PASK: variants seen among roughly 807,000 people sequenced by gnomAD.
PASK encodes the protein PAS domain containing serine/threonine kinase, also known as PAS domain-containing serine/threonine-protein kinase.
PASK carries 110 observed loss-of-function variants against 121.0 expected under a neutral mutation model. The observed-to-expected ratio is 0.91, with a 90% CI of 0.78 to 1.06. The LOEUF (loss-of-function observed/expected upper bound fraction) is 1.06, where lower values mean the gene tolerates loss of function less well. PASK is among the 50% of genes least tolerant of loss of function. The pLI is 0.00. For synonymous variants in PASK, 686 were observed against 717.8 expected, an observed-to-expected ratio of 0.96 and a Z score of 0.71; for missense variants, 1,643 against 1,702.3, an observed-to-expected ratio of 0.97 and a Z score of 0.61.
At chr2:241,144,103 CGTGT>C (rs970261728) in intron 1 of PASK, among the ~76,000 whole-genome samples, 1 of 151,586 alleles carries the variant, frequency 6.6e-6, no homozygotes, top group Non-Finnish European at 1.5e-5. Context: ...TGTGGGTGTG[CGTGT>C]GTGTCCGTGC....
At chr2:241,126,072 T>C (rs906735874) in intron 10 of PASK, 124 bp downstream of exon 10, 13 of 843,030 alleles carry the variant, frequency 1.5e-5, no homozygotes, top group Admixed American at 4.1e-5. Flanking sequence ...CTTGAAAACA[T>C]GATTTCTGCT....
intron 1 of PASK, chr2:241,145,769 G>A (rs1238828402): frequency 6.6e-6 from 1 of 152,004 alleles, no homozygotes; most frequent in Non-Finnish European, 1.5e-5. Context: ...CAGCTACTCT[G>A]GAGGCAGAGG....
rs544679931 is a variant in PASK, at chr2:241,113,955, T to G, written c.3333+1088A>C. ...GTATTTACATAGAATAACATTTATG[T>G]CTATATATTTACAAAAGGGGTAGAG... On this transcript the variant is annotated intron_variant, in intron 14 of 17. Coordinates refer to ENST00000234040, the MANE Select transcript of PASK (RefSeq NM_015148.4). The G allele has an allele frequency of 6.6e-5, 65 of 982,726 alleles. No individual in the cohort carries two copies. The African/African-American group carries it at 1.1e-3, about 16-fold the overall frequency. The allele number at this position is 982,726 out of a possible 1,614,324, so 60.9% of individuals were successfully genotyped here. A position where few individuals can be genotyped will look rare whatever the true frequency, so the allele number is the denominator to read the frequency against.
chr2:241,111,323 G>A (rs1030849428), intron 15 of PASK, among the ~76,000 whole-genome samples: 2 of 152,196 alleles, frequency 1.3e-5, no homozygotes, highest in Non-Finnish European at 2.9e-5. Flanking sequence ...GTGCAGCAGA[G>A]CACTGCAGCA....
intron 12 of PASK, among the ~76,000 whole-genome samples, chr2:241,121,329 AT>A (rs1203515486): frequency 1.3e-5 from 2 of 152,270 alleles, no homozygotes; most frequent in African/African-American, 4.8e-5. Context: ...GGTGAATTAT[AT>A]GGTATGTGAA....
intron 15 of PASK, chr2:241,109,740 GTGT>G (rs1238123381): frequency 6.6e-6 from 1 of 152,468 alleles, no homozygotes; most frequent in Non-Finnish European, 1.5e-5. Flanking sequence ...TTTTGTTTTT[GTGT>G]TGTTTCTGTT....
chr2:241,110,029 A>C (rs1203112753), intron 15 of PASK, among the ~76,000 whole-genome samples: 1 of 152,272 alleles, frequency 6.6e-6, no homozygotes, highest in Non-Finnish European at 1.5e-5. Flanking sequence ...ATCACGAACA[A>C]CATAAAGATG....
chr2:241,121,939 A>C (rs1333785037), intron 12 of PASK, among the ~76,000 whole-genome samples: 1 of 152,242 alleles, frequency 6.6e-6, no homozygotes, highest in Non-Finnish European at 1.5e-5. Flanking sequence ...AGAAACTGAC[A>C]TTATACAAAG....
Position 241,126,556 on chromosome 2 carries a change from G to C in PASK, c.2359C>G (p.Gln787Glu). 2 of 1,614,208 alleles carry C rather than the reference G, an allele frequency of 1.2e-6. No homozygotes were observed. The highest frequency in any genetic ancestry group is 2.2e-5 in the East Asian group (1 of 44,894). ...CTGTCATCCAGGACACACGACCCCT[G>C]TTCCTGGAGACTGCCTACATCTGGA... is the stretch of plus-strand genomic sequence containing the variant. Reference protein sequence around the residue: ...SDPDVGSLQEQGSCVLDDREL... With the variant: ...SDPDVGSLQEEGSCVLDDREL... Residue 787 changes from glutamine to glutamate, a missense_variant, in exon 10 of 18, where the codon CAG becomes GAG. This residue lies in a region of PASK where 1,176 missense variants were observed against 1,162.2 expected (regional missense o/e 1.01). Transcript: ENST00000234040.
rs748488652 is a variant in PASK at position 241,137,227 on chromosome 2, T to C, written c.914A>G (p.Asp305Gly). 2.2e-5 allele frequency: 36 copies of C among 1,613,012 alleles called. No individual in the cohort carries two copies. The highest frequency in any genetic ancestry group is 2.9e-5 in the Non-Finnish European group (34 of 1,179,078). ...TAAGCTCAGAGGGAAGGTGGTACCG[T>C]CCCTGGCTCTTCCAACAGACCTCTG... Reference protein sequence around the residue: ...KIQRSVGRARDGTTFPLSLKL... With the variant: ...KIQRSVGRARGGTTFPLSLKL... The change falls in exon 7 of 18, where the codon GAC becomes GGC. Residue 305 changes from aspartate to glycine, a missense_variant. This residue lies in a region of PASK where 1,176 missense variants were observed against 1,162.2 expected (regional missense o/e 1.01). Coordinates refer to ENST00000234040, the MANE Select transcript of PASK (RefSeq NM_015148.4).
In PASK at chr2:241,115,398, T is replaced by C; in HGVS notation, c.3088A>G (p.Ile1030Val). The change falls in exon 13 of 18, where the codon ATT becomes GTT. Residue 1030 changes from isoleucine to valine, a missense_variant. Transcript: ENST00000234040. ...EKNKEVVVKF[I>V]KKEKVLEDCW... ...TCCTCCAAGACCTTCTCCTTCTTAA[T>C]AAACTTCACCACCACCTGTGAGGAA... The C allele has an allele frequency of 6.2e-7, 1 of 1,613,818 alleles. No individual in the cohort carries two copies. Among genetic ancestry groups the C allele is most frequent in the South Asian group, 1.1e-5 (1 of 91,088 alleles).
chr2:241,123,171 CTTCTTTTTTTTTTT>C (rs2065696982), intron 11 of PASK, among the ~76,000 whole-genome samples: 1 of 139,806 alleles, frequency 7.2e-6, no homozygotes, highest in African/African-American at 2.9e-5. Flanking sequence ...TTTAAAGTGG[CTTCTTTTTTTTTTT>C]TTTTTTTTTA....
chr2:241,125,918 GCTCT>G (rs1045307897), intron 10 of PASK, among the ~76,000 whole-genome samples: 10 of 152,284 alleles, frequency 6.6e-5, no homozygotes, highest in African/African-American at 1.2e-4. Context: ...GGGAGGAGCG[GCTCT>G]CTAAGTGTAT....
At chr2:241,120,781 T>A (rs191652568) in intron 12 of PASK, among the ~76,000 whole-genome samples, 1 of 152,310 alleles carries the variant, frequency 6.6e-6, no homozygotes, top group African/African-American at 2.4e-5. Flanking sequence ...CTCAAAACAT[T>A]AGACACAGAG....
chr2:241,139,683 G>A, intron 4 of PASK: 1 of 709,216 alleles, frequency 1.4e-6, no homozygotes, highest in Non-Finnish European at 2.6e-6. Context: ...TTCCTGCGAT[G>A]ATTCGTTCTT....
chr2:241,121,495 C>CTAGATT (rs1273461416), intron 12 of PASK, among the ~76,000 whole-genome samples: 1 of 152,118 alleles, frequency 6.6e-6, no homozygotes, highest in African/African-American at 2.4e-5. Flanking sequence ...TAGAAAACAT[C>CTAGATT]TAGATTTAGA....
intron 9 of PASK, among the ~76,000 whole-genome samples, chr2:241,129,465 G>A (rs1253352914): frequency 6.6e-6 from 1 of 152,194 alleles, no homozygotes; most frequent in East Asian, 1.9e-4. Flanking sequence ...ACTGCCCTGT[G>A]TCTGCAGCAA....
chr2:241,107,173 C>T (rs952231234), intron 17 of PASK, among the ~76,000 whole-genome samples, 180 bp downstream of exon 17: 3 of 152,164 alleles, frequency 2.0e-5, no homozygotes, highest in Non-Finnish European at 4.4e-5. Flanking sequence ...CCAGAGGCCT[C>T]GGGACAGAAT....
chr2:241,147,543 C>T (rs1461576531), intron 1 of PASK, among the ~76,000 whole-genome samples: 1 of 152,146 alleles, frequency 6.6e-6, no homozygotes, highest in African/African-American at 2.4e-5. Context: ...ATCGCTTCAG[C>T]CCAGGAGGCG....
Sources: allele counts gnomAD v4.1 joint callset (sites outside exome capture counted in the v4.1 genomes callset), GRCh38; gene constraint gnomAD v4.1.1; regional missense constraint gnomAD v4.1.1; transcripts MANE v1.5; gene names NCBI Gene and HGNC (gene_info 2026-07-23, HGNC 2026-07-21).